SNX8: variants seen among roughly 807,000 people sequenced by gnomAD.
SNX8 encodes the protein sorting nexin-8.
In SNX8, 25 loss-of-function variants were observed where a neutral mutation model predicts 51.6. The observed-to-expected ratio is 0.48, with a 90% CI of 0.35 to 0.68. The LOEUF is 0.68. Ranked by LOEUF, SNX8 falls within the 30% of genes least tolerant of loss-of-function variation. The probability of loss-of-function intolerance (pLI) is 0.00; values close to 1 mark genes in which losing one functional copy is unlikely to be tolerated. For synonymous variants in SNX8, 324 were observed against 277.0 expected, an observed-to-expected ratio of 1.17 and a Z score of -1.68; for missense variants, 695 against 624.0, an observed-to-expected ratio of 1.11 and a Z score of -1.21.
chr7:2,289,349 C>T (rs148767391), intron 1 of SNX8, among the ~76,000 whole-genome samples: 85 of 152,296 alleles, frequency 5.6e-4, no homozygotes, highest in African/African-American at 1.9e-3. Context: ...TGCTGGATCA[C>T]GGGATCTGCA....
chr7:2,290,766 C>A (rs1562441557), intron 1 of SNX8, among the ~76,000 whole-genome samples: 3 of 152,154 alleles, frequency 2.0e-5, no homozygotes, highest in African/African-American at 7.2e-5. Flanking sequence ...ACGTAGTCAA[C>A]AGACCCTGCC....
At chr7:2,307,645 AAAAAAAAAAAAAAG>A (rs928935505) in intron 1 of SNX8, 17 of 150,452 alleles carry the variant, frequency 1.1e-4, no homozygotes, top group African/African-American at 3.7e-4. Flanking sequence ...AAAAAAAAAA[AAAAAAAAAAAAAAG>A]GTGACAGTGA....
chr7:2,285,963 G>C (rs892881626), intron 1 of SNX8, among the ~76,000 whole-genome samples: 1 of 151,476 alleles, frequency 6.6e-6, no homozygotes, highest in Non-Finnish European at 1.5e-5. Flanking sequence ...GATTACAGGC[G>C]TGAGCCATAG....
chr7:2,320,343 C>A (rs1358106438), intron 1 of SNX8, among the ~76,000 whole-genome samples: 1 of 151,944 alleles, frequency 6.6e-6, no homozygotes, highest in African/African-American at 2.4e-5. Flanking sequence ...AATGTGCAGC[C>A]CAGTTGGAAG....
At chr7:2,304,336 A>T (rs954540286) in intron 1 of SNX8, among the ~76,000 whole-genome samples, 2 of 151,616 alleles carry the variant, frequency 1.3e-5, no homozygotes, top group Non-Finnish European at 2.9e-5. Context: ...CGAGGTCAGG[A>T]GATAGAGACC....
In SNX8 at chr7:2,319,814, CA is replaced by C. The variant is rs35408698; in HGVS notation, c.-66+34407del. 3.3e-3 allele frequency among the ~76,000 whole-genome samples: 259 copies of C among 78,420 alleles called. 1 individual carries two copies. Among genetic ancestry groups the C allele is most frequent in the Middle Eastern group, 6.9e-3 (1 of 144 alleles). 51.4% of individuals were successfully genotyped at this position (78,420 alleles called of 152,430 possible). A position where few individuals can be genotyped will look rare whatever the true frequency, so the allele number is the denominator to read the frequency against. On this transcript the variant is annotated intron_variant, in intron 1 of 5. Transcript: ENST00000435336. ...TGGGCGACAGAGCGAGACTCCGTCTCAAAAAAAAAAAAAAAATTAGCTGGGT... is the reference window on the plus strand; with the variant it reads ...TGGGCGACAGAGCGAGACTCCGTCTCAAAAAAAAAAAAAAATTAGCTGGGT...
intron 1 of SNX8, among the ~76,000 whole-genome samples, chr7:2,314,101 G>T (rs1445462792): frequency 6.6e-6 from 1 of 152,240 alleles, no homozygotes; most frequent in African/African-American, 2.4e-5. Flanking sequence ...GCGCAGGAGG[G>T]CAGGGGACCC....
rs145543350 is a variant in SNX8 at position 2,297,550 on chromosome 7, CAAAAAA to C, written c.94+16772_94+16777del. On this transcript the variant is annotated intron_variant, in intron 1 of 10. Transcript: ENST00000222990. ...GGGCAACAGGAGCAAAACCCCGCCG[CAAAAAA>C]AAAAAAAAAAAAAAAAAAAAATACC... is the stretch of plus-strand genomic sequence containing the variant. 6.1e-3 allele frequency among the ~76,000 whole-genome samples: 246 copies of C among 40,266 alleles called. 3 individuals carry two copies. The highest frequency in any genetic ancestry group is 0.014 in the Admixed American group (35 of 2,586). The allele number at this position is 40,266 out of a possible 152,430, so 26.4% of individuals were successfully genotyped here. A position where few individuals can be genotyped will look rare whatever the true frequency, so the allele number is the denominator to read the frequency against.
intron 1 of SNX8, among the ~76,000 whole-genome samples, chr7:2,296,855 G>C (rs1796284249): frequency 6.6e-6 from 1 of 151,644 alleles, no homozygotes; most frequent in South Asian, 2.1e-4. Context: ...GCTTGAACCT[G>C]GGAGGCAGAG....
chr7:2,318,962 C>G (rs540682072), upstream of SNX8, among the ~76,000 whole-genome samples: 3 of 151,990 alleles, frequency 2.0e-5, no homozygotes, highest in African/African-American at 7.2e-5. Flanking sequence ...GAGCTGTGAT[C>G]GCATCACTGC....
intron 7 of SNX8, among the ~76,000 whole-genome samples, chr7:2,260,217 C>A (rs1365607008): frequency 6.6e-6 from 1 of 152,138 alleles, no homozygotes; most frequent in African/African-American, 2.4e-5. Flanking sequence ...CCTGCCTCAG[C>A]CTCCCGAGTA....
At position 2,271,909 on chromosome 7, in the gene SNX8, G is replaced by A. The variant is rs1043494390; in HGVS notation, c.481C>T (p.Arg161Ter). The A allele has an allele frequency of 4.3e-6, 7 of 1,613,990 alleles. No individual in the cohort carries two copies. Among genetic ancestry groups the A allele is most frequent in the East Asian group, 2.2e-5 (1 of 44,872 alleles). The change falls in exon 4 of 11, where the codon CGA (arginine) becomes TGA (stop). Residue 161 changes from arginine (R) to a stop codon, truncating the protein, a stop_gained. Coordinates refer to ENST00000222990, the MANE Select transcript of SNX8 (RefSeq NM_013321.4). LOFTEE classifies it high-confidence loss of function. ...ACATCCTCGGAGAACAGGGGGTGTCGCGCCACCAGGTTGACGAAGCGCTTC... is the reference window on the plus strand; with the variant it reads ...ACATCCTCGGAGAACAGGGGGTGTCACGCCACCAGGTTGACGAAGCGCTTC... ...ALKRFVNLVA[R>*]HPLFSEDVVL...
chr7:2,258,801 C>CT (rs1795263205), intron 7 of SNX8, among the ~76,000 whole-genome samples: 1 of 152,204 alleles, frequency 6.6e-6, no homozygotes, highest in Non-Finnish European at 1.5e-5. Flanking sequence ...ACACAAGGCT[C>CT]TGTGCGGGCA....
chr7:2,329,008 C>A (rs77005480), intron 1 of SNX8, among the ~76,000 whole-genome samples: 1 of 151,902 alleles, frequency 6.6e-6, no homozygotes, highest in African/African-American at 2.4e-5. Context: ...ATCATGTGAA[C>A]CCGGGAGGCA....
intron 5 of SNX8, among the ~76,000 whole-genome samples, chr7:2,267,669 C>A (rs1795504014): frequency 6.7e-6 from 1 of 149,348 alleles, no homozygotes; most frequent in East Asian, 2.0e-4. Context: ...CTACAACCTA[C>A]ACCTCCCAGC....
intron 1 of SNX8, among the ~76,000 whole-genome samples, chr7:2,281,628 G>A (rs1795908350): frequency 6.6e-6 from 1 of 152,010 alleles, no homozygotes. Context: ...CACAGAGCCT[G>A]GACAATACAC....
intron 2 of SNX8, among the ~76,000 whole-genome samples, chr7:2,277,391 G>A (rs1373541672): frequency 6.6e-6 from 1 of 152,190 alleles, no homozygotes. Context: ...ACTGTTTGGG[G>A]TCCGGAGTCG....
chr7:2,320,161 G>A (rs1436858786), intron 1 of SNX8, among the ~76,000 whole-genome samples: 1 of 152,020 alleles, frequency 6.6e-6, no homozygotes, highest in Non-Finnish European at 1.5e-5. Flanking sequence ...TTTGAGACCA[G>A]CCTGACCAAC....
At chr7:2,348,084 G>A (rs567649612) in intron 1 of SNX8, among the ~76,000 whole-genome samples, 7 of 152,152 alleles carry the variant, frequency 4.6e-5, no homozygotes, top group South Asian at 4.1e-4. Flanking sequence ...CTGCTTTTTC[G>A]GCTTCCTACT....
Sources: gnomAD v4.1 joint callset for allele counts (sites outside exome capture counted in the v4.1 genomes callset) on GRCh38, gnomAD v4.1.1 for gene constraint, MANE v1.5 for transcripts, NCBI Gene and HGNC (gene_info 2026-07-23, HGNC 2026-07-21) for gene names.